The following CCSER1 variants were observed in gnomAD, a reference collection of about 807,000 sequenced individuals.
The protein encoded by CCSER1 is serine-rich coiled-coil domain-containing protein 1.
In CCSER1, 41 loss-of-function variants were observed where a neutral mutation model predicts 82.0. The observed-to-expected ratio is 0.50, with a 90% CI of 0.39 to 0.65. The LOEUF is 0.65. Among genes scored for constraint, CCSER1 ranks in the 30% least tolerant of loss-of-function variants. The pLI is 0.00. For synonymous variants in CCSER1, 414 were observed against 383.9 expected (o/e 1.08, Z -0.92); for missense variants, 1,119 against 1,064.2 (o/e 1.05, Z -0.72).
intron 10 of CCSER1, among the ~76,000 whole-genome samples, chr4:91,556,212 A>T (rs1372947159): frequency 6.6e-6 from 1 of 151,382 alleles, no homozygotes; most frequent in East Asian, 1.9e-4. Context: ...AATTTGGGAC[A>T]GCTCATTGAC....
intron 9 of CCSER1, among the ~76,000 whole-genome samples, chr4:91,077,126 T>G (rs1254287977): frequency 6.6e-6 from 1 of 152,232 alleles, no homozygotes; most frequent in African/African-American, 2.4e-5. Flanking sequence ...CTCACAGGTC[T>G]GGTAATCTTT....
intron 10 of CCSER1, among the ~76,000 whole-genome samples, chr4:91,466,348 G>A (rs928009012): frequency 3.3e-5 from 5 of 152,150 alleles, no homozygotes; most frequent in East Asian, 3.9e-4. Context: ...TTGATGGGAC[G>A]TAACTCAAAA....
intron 10 of CCSER1, among the ~76,000 whole-genome samples, chr4:91,224,720 T>G (rs1738014669): frequency 6.6e-6 from 1 of 152,088 alleles, no homozygotes; most frequent in Admixed American, 6.6e-5. Flanking sequence ...CCTTTATAAA[T>G]GTGTCCAGCC....
Position 91,109,047 on chromosome 4 carries a change from C to T in CCSER1, c.2217+23053C>T, listed in dbSNP as rs144438961. On this transcript the variant is annotated intron_variant, in intron 10 of 10. Coordinates refer to ENST00000509176, the MANE Select transcript of CCSER1 (RefSeq NM_001145065.2). ...GGCACCCTTCTTCTCTTGCCTTGGA[C>T]ATCAGAACTCCAGATTCTCTGGCCC... Among the ~76,000 whole-genome samples the T allele has an allele frequency of 5.9e-5, 9 of 152,260 alleles. No homozygotes were observed. The East Asian group carries it at 1.5e-3, about 26-fold the overall frequency.
intron 1 of CCSER1, among the ~76,000 whole-genome samples, chr4:90,233,326 A>G (rs1215775658): frequency 6.6e-6 from 1 of 152,166 alleles, no homozygotes; most frequent in African/African-American, 2.4e-5. Flanking sequence ...CTTTGTAGGG[A>G]CACGGATGAA....
intron 6 of CCSER1, among the ~76,000 whole-genome samples, chr4:90,714,623 A>G (rs766714602): frequency 3.9e-5 from 6 of 151,994 alleles, no homozygotes; most frequent in South Asian, 2.1e-4. Flanking sequence ...TCAGCCTCCA[A>G]GTATCTATAT....
chr4:90,591,318 A>G (rs929661908), intron 5 of CCSER1, among the ~76,000 whole-genome samples: 2 of 152,150 alleles, frequency 1.3e-5, no homozygotes, highest in African/African-American at 2.4e-5. Flanking sequence ...TTCTAATACT[A>G]TGTTGAATAG....
intron 10 of CCSER1, among the ~76,000 whole-genome samples, chr4:91,508,670 G>C (rs767142576): frequency 1.1e-4 from 16 of 149,990 alleles, no homozygotes; most frequent in Non-Finnish European, 1.9e-4. Flanking sequence ...AAGAGTTTAT[G>C]AAAAATTGCT....
rs1752288257 is a variant in CCSER1, at chr4:91,401,119, A to C, written c.2218-197453A>C. ...TATGATCCAGATATTGTGCTGTTTT[A>C]TTTATTTAATCTTCATTACCTCACG... On this transcript the variant is annotated intron_variant, in intron 10 of 10. Transcript: ENST00000509176. Among the ~76,000 whole-genome samples, 3 of 151,772 alleles carry C rather than the reference A, an allele frequency of 2.0e-5. No individual in the cohort carries two copies. The South Asian group carries it at 6.2e-4, about 31-fold the overall frequency.
intron 10 of CCSER1, among the ~76,000 whole-genome samples, chr4:91,460,533 G>C (rs553446011): frequency 6.6e-6 from 1 of 152,278 alleles, no homozygotes; most frequent in East Asian, 1.9e-4. Flanking sequence ...CTACCAGCTA[G>C]AGTCTAGCTA....
chr4:90,503,093 A>C (rs1425830709), intron 5 of CCSER1, among the ~76,000 whole-genome samples: 1 of 152,184 alleles, frequency 6.6e-6, no homozygotes, highest in Non-Finnish European at 1.5e-5. Flanking sequence ...CAAGTGTCAA[A>C]CCAGAAAAAA....
chr4:90,230,505 C>T (rs926341957), intron 1 of CCSER1, among the ~76,000 whole-genome samples: 1 of 151,726 alleles, frequency 6.6e-6, no homozygotes, highest in Non-Finnish European at 1.5e-5. Flanking sequence ...ACTAAATGCC[C>T]ACAAGAGGAA....
chr4:91,002,345 T>C (rs1449348350), intron 9 of CCSER1, among the ~76,000 whole-genome samples: 1 of 152,232 alleles, frequency 6.6e-6, no homozygotes, highest in East Asian at 1.9e-4. Flanking sequence ...CCCAGATATG[T>C]TTTCCAAACT....
intron 5 of CCSER1, among the ~76,000 whole-genome samples, chr4:90,600,368 A>C (rs144796020): frequency 6.6e-4 from 101 of 152,230 alleles, no homozygotes; most frequent in Non-Finnish European, 1.2e-3. Flanking sequence ...TTTTAGTTTT[A>C]GCCTTTTAGA....
chr4:90,433,277 C>T (rs1758553057), intron 4 of CCSER1, among the ~76,000 whole-genome samples: 1 of 151,996 alleles, frequency 6.6e-6, no homozygotes, highest in Admixed American at 6.6e-5. Flanking sequence ...AGTGTTCGGG[C>T]CACCCTTGAC....
chr4:90,251,683 T>C (rs1381359467), intron 1 of CCSER1, among the ~76,000 whole-genome samples: 4 of 151,828 alleles, frequency 2.6e-5, no homozygotes, highest in Non-Finnish European at 5.9e-5. Flanking sequence ...TTCTTTATTA[T>C]AGGTGTATTT....
At chr4:90,323,728 T>A (rs1437633959) in intron 3 of CCSER1, among the ~76,000 whole-genome samples, 1 of 152,126 alleles carries the variant, frequency 6.6e-6, no homozygotes, top group Admixed American at 6.5e-5. Context: ...TGCAGGTTAG[T>A]TACATATGTA....
chr4:91,435,986 G>C (rs1317583969), intron 10 of CCSER1, among the ~76,000 whole-genome samples: 4 of 152,164 alleles, frequency 2.6e-5, no homozygotes, highest in African/African-American at 7.2e-5. Context: ...AGCTGTATTT[G>C]AGCAATACTC....
chr4:90,956,019 G>T (rs934656894), intron 9 of CCSER1, among the ~76,000 whole-genome samples: 2 of 151,836 alleles, frequency 1.3e-5, no homozygotes, highest in African/African-American at 2.4e-5. Flanking sequence ...TGTTTATTCT[G>T]TGTCTCTCTG....
Sources: gnomAD v4.1 joint callset for allele counts (sites outside exome capture counted in the v4.1 genomes callset) on GRCh38, gnomAD v4.1.1 for gene constraint, MANE v1.5 for transcripts, NCBI Gene and HGNC (gene_info 2026-07-23, HGNC 2026-07-21) for gene names.